The following DNAH5 variants were observed in gnomAD, a reference collection of about 807,000 sequenced individuals.
DNAH5 encodes the protein dynein axonemal heavy chain 5, also known as axonemal beta dynein heavy chain 5.
Under a neutral mutation model 518.2 loss-of-function variants are expected in DNAH5, and 372 were observed. The ratio of observed to expected loss-of-function variants is 0.72; its 90% CI spans 0.66 to 0.78. The LOEUF (loss-of-function observed/expected upper bound fraction) is 0.78. Ranked by LOEUF, DNAH5 falls within the 30% of genes least tolerant of loss-of-function variation. The pLI, the probability that DNAH5 is intolerant of heterozygous loss-of-function variation, is 0.00. For synonymous variants in DNAH5, 2,039 were observed against 2,025.9 expected (o/e 1.01, Z -0.17); for missense variants, 5,523 against 5,687.0 (o/e 0.97, Z 0.93).
chr5:13,756,632 T>C (rs544653605), intron 61 of DNAH5, among the ~76,000 whole-genome samples: 1 of 152,264 alleles, frequency 6.6e-6, no homozygotes, highest in Non-Finnish European at 1.5e-5. Flanking sequence ...ACTGCCATAA[T>C]GTTTTCCATA....
At chr5:13,798,081 C>A (rs1758117835) in intron 47 of DNAH5, among the ~76,000 whole-genome samples, 1 of 151,996 alleles carries the variant, frequency 6.6e-6, no homozygotes, top group Admixed American at 6.6e-5. Flanking sequence ...GGAGGGATAG[C>A]ATTAGGAGAA....
At position 13,901,464 on chromosome 5, in the gene DNAH5, G is replaced by C; in HGVS notation, c.1840C>G (p.Pro614Ala). The change falls in exon 14 of 79, where the codon CCT becomes GCT. Residue 614 changes from proline to alanine, a missense_variant. Around this residue, in one of 3 missense-constraint regions of DNAH5, gnomAD observed 5,121 missense variants for 5,223.3 expected, o/e 0.98. Coordinates refer to ENST00000265104, the MANE Select transcript of DNAH5 (RefSeq NM_001369.3). Reference protein sequence around the residue: ...SKLYTKQKYDPPLARNQPPIA... With the variant: ...SKLYTKQKYDAPLARNQPPIA... ...GGAGGCTGGTTTCGAGCCAGAGGAG[G>C]ATCGTATTTCTGCTTTGTATACAGC... The C allele has an allele frequency of 1.9e-6, 3 of 1,613,964 alleles. No individual in the cohort carries two copies. The East Asian group carries it at 6.7e-5, about 36-fold the overall frequency.
chr5:13,864,343 G>T, intron 28 of DNAH5, 54 bp downstream of exon 28: 1 of 1,604,170 alleles, frequency 6.2e-7, no homozygotes, highest in East Asian at 2.2e-5. Context: ...ATATAGAAAT[G>T]TTATCAAATA....
At chr5:13,733,910 C>A (rs1007959471) in intron 68 of DNAH5, among the ~76,000 whole-genome samples, 22 of 151,970 alleles carry the variant, frequency 1.4e-4, no homozygotes, top group African/African-American at 5.3e-4. Context: ...AAAATTATGT[C>A]TTATCTCTAA....
chr5:13,875,006 T>C (rs536978307), intron 22 of DNAH5, among the ~76,000 whole-genome samples: 2 of 152,300 alleles, frequency 1.3e-5, no homozygotes, highest in African/African-American at 2.4e-5. Context: ...GCTGGCTATA[T>C]CTAATACTAT....
intron 21 of DNAH5, 69 bp downstream of exon 21, chr5:13,882,659 T>C (rs1771833188): frequency 7.1e-6 from 9 of 1,263,388 alleles, no homozygotes; most frequent in Non-Finnish European, 9.1e-6. Flanking sequence ...ATGGAGGGGT[T>C]AAAAAACATT....
intron 67 of DNAH5, 151 bp downstream of exon 67, chr5:13,735,667 T>G: frequency 2.7e-6 from 2 of 736,902 alleles, no homozygotes; most frequent in South Asian, 3.1e-5. Flanking sequence ...CAAATCAGAA[T>G]GATTTGTTAA....
chr5:13,932,067 T>C (rs1205147899), intron 1 of DNAH5: 1 of 152,286 alleles, frequency 6.6e-6, no homozygotes, highest in Non-Finnish European at 1.5e-5. Flanking sequence ...TAGCTCCCAC[T>C]GGGAAGAGGA....
At chr5:13,771,200 A>G (rs1167812297) in intron 55 of DNAH5, 21 of 543,772 alleles carry the variant, frequency 3.9e-5, no homozygotes, top group Middle Eastern at 1.0e-3. Context: ...CTTTAAGCCT[A>G]TCAACACTCT....
chr5:13,776,375 T>C (rs1252028050), intron 55 of DNAH5, 64 bp downstream of exon 55: 1 of 1,605,658 alleles, frequency 6.2e-7, no homozygotes, highest in African/African-American at 1.3e-5. Flanking sequence ...CCTTCAAGCA[T>C]CCCTGAAAGA....
At chr5:13,810,526 G>A in intron 44 of DNAH5, 1 of 417,556 alleles carries the variant, frequency 2.4e-6, no homozygotes, top group Non-Finnish European at 4.2e-6. Context: ...GGATCATGAG[G>A]TCAGGAGCTC....
chr5:13,950,358 C>T (rs1464602082), intron 1 of DNAH5, among the ~76,000 whole-genome samples: 3 of 152,016 alleles, frequency 2.0e-5, no homozygotes, highest in Non-Finnish European at 2.9e-5. Flanking sequence ...CTCACTACAA[C>T]CTTCGCCTCC....
chr5:13,933,463 C>G (rs1252033015), intron 1 of DNAH5, among the ~76,000 whole-genome samples: 1 of 152,062 alleles, frequency 6.6e-6, no homozygotes, highest in Non-Finnish European at 1.5e-5. Flanking sequence ...ACCAGTATCC[C>G]AGGAGCAAGG....
intron 1 of DNAH5, among the ~76,000 whole-genome samples, chr5:13,979,548 C>T (rs1278924728): frequency 1.3e-5 from 2 of 152,170 alleles, no homozygotes; most frequent in African/African-American, 4.8e-5. Context: ...AATACTACCA[C>T]CACCAGCCCC....
chr5:13,697,775 C>T lies in DNAH5; in HGVS notation c.13723+2865G>A, dbSNP rs143245623. 5.5e-3 allele frequency among the ~76,000 whole-genome samples: 843 copies of T among 152,310 alleles called. 4 individuals are homozygous for T. The highest frequency in any genetic ancestry group is 0.019 in the African/African-American group (806 of 41,574). On this transcript the variant is annotated intron_variant, in intron 78 of 78. Transcript: ENST00000265104. ...TTCATCAAACCCAGCACATCCATTA[C>T]CACCTCATGACTTTCCACTCTTGCC...
intron 70 of DNAH5, among the ~76,000 whole-genome samples, chr5:13,725,300 T>C (rs1173578194): frequency 6.6e-6 from 1 of 152,202 alleles, no homozygotes; most frequent in Non-Finnish European, 1.5e-5. Context: ...TGAGTGGGAT[T>C]TACTGAGGCA....
chr5:14,008,302 G>GAA, intron 1 of DNAH5, among the ~76,000 whole-genome samples: 2 of 151,756 alleles, frequency 1.3e-5, no homozygotes, highest in South Asian at 4.2e-4. Flanking sequence ...GAGGGAGAGA[G>GAA]GGAAGAAGAC....
intron 8 of DNAH5, among the ~76,000 whole-genome samples, 191 bp from the exon 9 acceptor site, chr5:13,916,646 T>C (rs1017178727): frequency 6.6e-6 from 1 of 152,104 alleles, no homozygotes; most frequent in Non-Finnish European, 1.5e-5. Context: ...GTTAATCAAA[T>C]TTTATTTCAG....
intron 65 of DNAH5, among the ~76,000 whole-genome samples, chr5:13,748,400 T>C (rs1221309016): frequency 3.3e-5 from 5 of 152,208 alleles, no homozygotes; most frequent in Non-Finnish European, 5.9e-5. Flanking sequence ...AAGTAGTTTT[T>C]TCCAATTCTG....
Sources: gnomAD v4.1 joint callset for allele counts (sites outside exome capture counted in the v4.1 genomes callset) on GRCh38, gnomAD v4.1.1 for gene constraint, gnomAD v4.1.1 regional missense constraint, MANE v1.5 for transcripts, NCBI Gene and HGNC (gene_info 2026-07-23, HGNC 2026-07-21) for gene names.